Variants in EYS observed in about 807,000 individuals in gnomAD.
EYS encodes the protein protein eyes shut homolog.
In EYS, 250 loss-of-function variants were observed where a neutral mutation model predicts 282.1. The observed-to-expected ratio is 0.89, with a 90% confidence interval of 0.80 to 0.98. The LOEUF (loss-of-function observed/expected upper bound fraction) is 0.98, where lower values mean the gene tolerates loss of function less well. Ranked by LOEUF, EYS falls within the 50% of genes least tolerant of loss-of-function variation. The pLI is 0.00. For synonymous variants in EYS, 1,355 were observed against 1,282.9 expected, an observed-to-expected ratio of 1.06 and a Z score of -1.20; for missense variants, 4,016 against 3,709.0, an observed-to-expected ratio of 1.08 and a Z score of -2.15.
intron 14 of EYS, among the ~76,000 whole-genome samples, chr6:64,995,453 G>A (rs1464531812): frequency 6.6e-6 from 1 of 152,050 alleles, no homozygotes; most frequent in Non-Finnish European, 1.5e-5. Context: ...TATCAAACCT[G>A]AGGGTAGTCT....
chr6:64,398,514 A>G (rs1045982174), intron 28 of EYS, among the ~76,000 whole-genome samples: 1 of 151,948 alleles, frequency 6.6e-6, no homozygotes, highest in Admixed American at 6.6e-5. Context: ...TTACACACAC[A>G]CACACACACA....
At chr6:64,827,875 C>A (rs938457135) in intron 19 of EYS, among the ~76,000 whole-genome samples, 2 of 151,122 alleles carry the variant, frequency 1.3e-5, no homozygotes, top group African/African-American at 2.4e-5. Context: ...GTGTGTCAAT[C>A]AAAAATTATG....
intron 12 of EYS, among the ~76,000 whole-genome samples, chr6:65,275,983 A>C (rs1562066207): frequency 6.6e-6 from 1 of 151,528 alleles, no homozygotes; most frequent in Non-Finnish European, 1.5e-5. Flanking sequence ...TTCTAATAAA[A>C]AAACAAAACA....
intron 22 of EYS, among the ~76,000 whole-genome samples, chr6:64,646,257 A>G (rs1401245333): frequency 1.3e-5 from 2 of 152,262 alleles, no homozygotes; most frequent in Non-Finnish European, 1.5e-5. Context: ...ATCTATTTTG[A>G]GTTGTGGATG....
intron 5 of EYS, among the ~76,000 whole-genome samples, chr6:65,412,528 A>T (rs1200368442): frequency 6.6e-6 from 1 of 152,114 alleles, no homozygotes; most frequent in African/African-American, 2.4e-5. Flanking sequence ...AGCTATTTTA[A>T]TAGGTATGTA....
rs895106531 is a variant in EYS, at chr6:64,897,155, C to T, written c.2846+4958G>A. Among the ~76,000 whole-genome samples the T allele has an allele frequency of 3.3e-5, 5 of 152,182 alleles. No individual in the cohort carries two copies. In the East Asian group the frequency reaches 9.7e-4, roughly 29 times the overall value. ...GGTCCAGGGCTCCCATATCTCCTGA[C>T]TGGGAGACAACTCCCAGCAGCGGTC... On this transcript the variant is annotated intron_variant, in intron 18 of 42. Coordinates refer to ENST00000503581, the MANE Select transcript of EYS (RefSeq NM_001142800.2).
At chr6:64,679,699 C>A (rs1769829212) in intron 22 of EYS, among the ~76,000 whole-genome samples, 1 of 152,118 alleles carries the variant, frequency 6.6e-6, no homozygotes, top group Non-Finnish European at 1.5e-5. Context: ...GTGTTGTCAT[C>A]ATTTTGGTTA....
chr6:64,611,242 A>G (rs1767107456), intron 24 of EYS, among the ~76,000 whole-genome samples: 1 of 152,152 alleles, frequency 6.6e-6, no homozygotes, highest in South Asian at 2.1e-4. Flanking sequence ...TAGCATTCTC[A>G]TTAGCAGTAC....
chr6:65,380,872 C>T (rs1057114319), intron 8 of EYS, among the ~76,000 whole-genome samples: 1 of 152,108 alleles, frequency 6.6e-6, no homozygotes, highest in Non-Finnish European at 1.5e-5. Context: ...AAAAAAAGCT[C>T]ATCATCACTG....
intron 30 of EYS, among the ~76,000 whole-genome samples, chr6:64,272,287 T>G (rs1330227750): frequency 6.6e-6 from 1 of 152,182 alleles, no homozygotes; most frequent in Non-Finnish European, 1.5e-5. Flanking sequence ...TAAGGTTATT[T>G]TGTTATGTGT....
At position 63,721,027 on chromosome 6, in the gene EYS, G is replaced by A. The variant is rs1222876361; in HGVS notation, c.9004C>T (p.Gln3002Ter). The A allele has an allele frequency of 6.4e-7, 1 of 1,551,196 alleles. No homozygotes were observed. Among genetic ancestry groups the A allele is most frequent in the South Asian group, 1.2e-5 (1 of 84,048 alleles). The change falls in exon 43 of 43, where the codon CAA becomes TAA. Residue 3002 changes from glutamine (Q) to a stop codon, truncating the protein, a stop_gained. Transcript: ENST00000503581. LOFTEE classifies it high-confidence loss of function. ...GCCAGAAAATCATTTTCTTCATTTT[G>A]AGCTATTCCCATCCATACAATTAGA... ...EGLIVWMGIAQNEENDFLAIG... is the reference protein window; with the variant it reads ...EGLIVWMGIA
At chr6:63,755,138 G>C (rs1467191646) in intron 41 of EYS, among the ~76,000 whole-genome samples, 1 of 152,062 alleles carries the variant, frequency 6.6e-6, no homozygotes, top group Non-Finnish European at 1.5e-5. Context: ...CATTCTGTAG[G>C]TTGCCTGTTC....
intron 22 of EYS, among the ~76,000 whole-genome samples, chr6:64,724,513 G>T (rs1208251112): frequency 6.6e-6 from 1 of 152,116 alleles, no homozygotes; most frequent in Non-Finnish European, 1.5e-5. Flanking sequence ...AACCACTAAA[G>T]CCATGTGCTG....
intron 28 of EYS, among the ~76,000 whole-genome samples, chr6:64,422,671 A>C (rs1367239546): frequency 6.6e-6 from 1 of 152,202 alleles, no homozygotes; most frequent in African/African-American, 2.4e-5. Context: ...TTATTATCAC[A>C]TTAGTGTAAT....
chr6:65,311,970 T>G (rs1465132423), intron 11 of EYS, among the ~76,000 whole-genome samples: 1 of 152,202 alleles, frequency 6.6e-6, no homozygotes, highest in Non-Finnish European at 1.5e-5. Flanking sequence ...TATTTGAAAT[T>G]TATATTTAGC....
At chr6:64,551,517 C>G (rs570540143) in intron 26 of EYS, among the ~76,000 whole-genome samples, 2 of 150,900 alleles carry the variant, frequency 1.3e-5, no homozygotes, top group South Asian at 4.2e-4. Context: ...AGAGACCCCT[C>G]ATCTCAGCCA....
At chr6:64,853,251 C>A (rs1034590744) in intron 19 of EYS, among the ~76,000 whole-genome samples, 1 of 151,988 alleles carries the variant, frequency 6.6e-6, no homozygotes, top group Non-Finnish European at 1.5e-5. Context: ...CTTGTAAAGT[C>A]CTTATCTTAT....
chr6:64,083,577 G>A (rs1001226549), intron 31 of EYS, among the ~76,000 whole-genome samples: 3 of 152,194 alleles, frequency 2.0e-5, no homozygotes, highest in African/African-American at 7.2e-5. Context: ...GTAAAGAAGA[G>A]CTGTTAGAAA....
At chr6:65,564,143 A>G (rs80166855) in intron 2 of EYS, among the ~76,000 whole-genome samples, 1 of 152,152 alleles carries the variant, frequency 6.6e-6, no homozygotes. Flanking sequence ...AAATGGAAAA[A>G]CATTGCGTGC....
Sources: allele counts gnomAD v4.1 joint callset (sites outside exome capture counted in the v4.1 genomes callset), GRCh38; gene constraint gnomAD v4.1.1; transcripts MANE v1.5; gene names NCBI Gene and HGNC (gene_info 2026-07-23, HGNC 2026-07-21).